TLE2: variants seen among roughly 807,000 people sequenced by gnomAD.
TLE2 encodes the protein TLE family member 2, transcriptional corepressor.
TLE2 carries 74 observed loss-of-function variants against 97.2 expected under a neutral mutation model. That is an observed-to-expected ratio of 0.76 (90% CI 0.63 to 0.92). The LOEUF (loss-of-function observed/expected upper bound fraction) is 0.92. Among genes scored for constraint, TLE2 ranks in the 40% least tolerant of loss-of-function variants. The pLI is 0.00. For missense variants in TLE2, 1,038 were observed against 1,008.7 expected (o/e 1.03, Z -0.39); for synonymous variants, 499 against 432.1 (o/e 1.15, Z -1.92).
At chr19:3,016,713 A>G (rs1236789970) in intron 8 of TLE2, among the ~76,000 whole-genome samples, 1 of 152,116 alleles carries the variant, frequency 6.6e-6, no homozygotes, top group Non-Finnish European at 1.5e-5. Flanking sequence ...AACGGAAGTG[A>G]GGATGGGAAG....
chr19:3,027,778 T>G (rs2089970085), intron 4 of TLE2, 51 bp downstream of exon 4: 2 of 1,587,142 alleles, frequency 1.3e-6, no homozygotes, highest in Non-Finnish European at 1.7e-6. Context: ...TTCTCAGGGC[T>G]TCCAGACCCC....
chr19:3,006,646 G>T lies in TLE2; in HGVS notation c.1274C>A (p.Ala425Glu). 1.2e-6 allele frequency: 2 copies of T among 1,606,458 alleles called. No homozygotes were observed. Among genetic ancestry groups the T allele is most frequent in the Non-Finnish European group, 1.7e-6 (2 of 1,175,988 alleles). Reference protein sequence around the residue: ...GKPAYSFHVSADGQMQPVPFP... With the variant: ...GKPAYSFHVSEDGQMQPVPFP... ...GGGAACCGGCTGCATCTGCCCGTCC[G>T]CAGACACGTGGAAGGAGTAGGCCCT... The change falls in exon 15 of 20, where the codon GCG (alanine) becomes GAG (glutamate). Residue 425 changes from alanine to glutamate, a missense_variant. Transcript: ENST00000262953.
intron 18 of TLE2, among the ~76,000 whole-genome samples, chr19:3,001,700 C>G (rs1599192917): frequency 6.6e-6 from 1 of 151,810 alleles, no homozygotes; most frequent in Non-Finnish European, 1.5e-5. Context: ...GTCTTGAACT[C>G]CTGGTCTTGG....
intron 2 of TLE2, among the ~76,000 whole-genome samples, 154 bp from the exon 3 acceptor site, chr19:3,028,536 C>G (rs1456490706): frequency 1.3e-5 from 2 of 151,630 alleles, no homozygotes; most frequent in East Asian, 3.9e-4. Flanking sequence ...CTCCAAATGC[C>G]CCAGCTCTGA....
At position 3,011,125 on chromosome 19, in the gene TLE2, G is replaced by C. The variant is rs1186105389; in HGVS notation, c.909C>G (p.Ser303=). The stretch of plus-strand genomic sequence containing the variant: ...CGTCCTGGGGCGGGGAGGAGTCACA[G>C]GATTTGGAGGCAGGAGTGCTGGCGG... ...DLPASTPASK[S]CDSSPPQDAS... is the part of the protein sequence containing the mutation. Residue 303 remains serine, a synonymous_variant, in exon 12 of 20, where the codon TCC becomes TCG. Transcript: ENST00000262953. 6.2e-7 allele frequency: 1 copy of C among 1,609,954 alleles called. No homozygotes were observed. The highest frequency in any genetic ancestry group is 1.7e-5 in the Admixed American group (1 of 59,384).
chr19:3,036,186 G>A (rs1346761559), intron 1 of TLE2, among the ~76,000 whole-genome samples: 1 of 152,212 alleles, frequency 6.6e-6, no homozygotes, highest in Admixed American at 6.5e-5. Context: ...GGGGTGGAGG[G>A]GGGTGGTGCT....
At chr19:3,023,230 G>C (rs2089881116) in intron 5 of TLE2, among the ~76,000 whole-genome samples, 1 of 151,984 alleles carries the variant, frequency 6.6e-6, no homozygotes, top group South Asian at 2.1e-4. Flanking sequence ...TAGAAATGAG[G>C]TTTCACCATA....
chr19:3,021,851 G>C lies in TLE2; in HGVS notation c.295-2078C>G, dbSNP rs2089850848. ...GCCCCCCTCAGCCTCCCAAAGTGCTGGTATTACAGGTGTGAGCCACTGCGC... is the reference window on the plus strand; with the variant it reads ...GCCCCCCTCAGCCTCCCAAAGTGCTCGTATTACAGGTGTGAGCCACTGCGC... On this transcript the variant is annotated intron_variant, in intron 5 of 19. Transcript: ENST00000262953. Among the ~76,000 whole-genome samples the C allele has an allele frequency of 8.6e-5, 13 of 152,026 alleles. No homozygotes were observed. In the South Asian group the frequency reaches 2.7e-3, roughly 32 times the overall value.
intron 1 of TLE2, among the ~76,000 whole-genome samples, chr19:3,042,427 T>TG (rs1191782781): frequency 4.4e-5 from 1 of 22,556 alleles, no homozygotes; most frequent in Admixed American, 5.5e-4. Flanking sequence ...GGGAGGACGG[T>TG]GGGCCTGGGT....
intron 1 of TLE2, among the ~76,000 whole-genome samples, chr19:3,037,331 G>A (rs552974508): frequency 1.3e-5 from 2 of 152,254 alleles, no homozygotes; most frequent in Admixed American, 6.5e-5. Flanking sequence ...GTTGGGTTTC[G>A]GTATTTAAGC....
chr19:3,026,268 GA>G (rs375314125), intron 4 of TLE2, among the ~76,000 whole-genome samples: 57 of 152,030 alleles, frequency 3.7e-4, no homozygotes, highest in African/African-American at 1.4e-3. Context: ...CCAACATGGA[GA>G]AACCCCGTCT....
intron 11 of TLE2, among the ~76,000 whole-genome samples, chr19:3,011,391 G>A (rs1405685256): frequency 2.6e-5 from 4 of 151,898 alleles, no homozygotes; most frequent in South Asian, 4.1e-4. Context: ...GATTAGCCGG[G>A]CGTGGTGGCA....
chr19:3,011,023 G>A lies in TLE2; in HGVS notation c.1011C>T (p.Val337=), dbSNP rs2228175. The change falls in exon 12 of 20, where the codon GTC becomes GTT. Residue 337 remains valine, a splice_region_variant and synonymous_variant. Coordinates refer to ENST00000262953, the MANE Select transcript of TLE2 (RefSeq NM_003260.5). ...GGCACCAACAGGCAAGGTGCTCACCGACGCTGTCCGTGGAAGGTGCTGGCT... is the reference window on the plus strand; with the variant it reads ...GGCACCAACAGGCAAGGTGCTCACCAACGCTGTCCGTGGAAGGTGCTGGCT... The part of the protein sequence containing the change: ...AAKPAPSTDS[V]ALRSPLTLSS... 2.1e-5 allele frequency: 34 copies of A among 1,603,674 alleles called. No individual in the cohort carries two copies. In the African/African-American group the frequency reaches 2.9e-4, roughly 14 times the overall value.
chr19:3,021,033 G>A (rs914446725), intron 5 of TLE2, among the ~76,000 whole-genome samples: 8 of 140,972 alleles, frequency 5.7e-5, no homozygotes, highest in African/African-American at 1.8e-4. Flanking sequence ...AGGTTGCAGT[G>A]AGCCAAGATT....
At chr19:3,001,791 CTTTTTTTTTTTTT>C (rs562875053) in intron 18 of TLE2, among the ~76,000 whole-genome samples, 2 of 111,468 alleles carry the variant, frequency 1.8e-5, no homozygotes, top group African/African-American at 3.6e-5. Flanking sequence ...TCTTTTCTTT[CTTTTTTTTTTTTT>C]TTTTTTTTTT....
chr19:3,044,779 T>C (rs896650840), intron 1 of TLE2, among the ~76,000 whole-genome samples: 2 of 152,206 alleles, frequency 1.3e-5, no homozygotes, highest in African/African-American at 4.8e-5. Flanking sequence ...GTGCCAGGCA[T>C]GATTCTAGGC....
At chr19:3,031,228 G>C (rs919683191), upstream of TLE2, among the ~76,000 whole-genome samples, 3 of 152,084 alleles carry the variant, frequency 2.0e-5, no homozygotes, top group African/African-American at 7.2e-5. Flanking sequence ...CTTATGTGGG[G>C]TGTCTGGGAG....
chr19:3,024,921 C>G, intron 5 of TLE2, 99 bp downstream of exon 5: 2 of 1,045,288 alleles, frequency 1.9e-6, no homozygotes, highest in Non-Finnish European at 2.8e-6. Context: ...GCAGGCTACG[C>G]GGCAGAATCA....
chr19:3,006,258 T>G (rs1308695984), intron 15 of TLE2, 162 bp downstream of exon 15: 2 of 1,263,672 alleles, frequency 1.6e-6, no homozygotes, highest in Non-Finnish European at 2.3e-6. Flanking sequence ...CCCTTTGGCC[T>G]GCAAGCCTTG....
Sources: allele counts gnomAD v4.1 joint callset (sites outside exome capture counted in the v4.1 genomes callset), GRCh38; gene constraint gnomAD v4.1.1; transcripts MANE v1.5; gene names NCBI Gene and HGNC (gene_info 2026-07-23, HGNC 2026-07-21).